The following MBD5 variants were observed in gnomAD, a reference collection of about 807,000 sequenced individuals.
MBD5 encodes methyl-CpG binding domain protein 5, also known as methyl-CpG-binding domain protein 5.
In MBD5, 13 loss-of-function variants were observed where a neutral mutation model predicts 117.3. That is an observed-to-expected ratio of 0.11 (90% CI 0.07 to 0.18). The LOEUF (loss-of-function observed/expected upper bound fraction) is 0.18, where lower values mean the gene tolerates loss of function less well. MBD5 is among the 10% of genes least tolerant of loss of function. The probability of loss-of-function intolerance (pLI) is 1.00; values close to 1 mark genes in which losing one functional copy is unlikely to be tolerated. For missense variants in MBD5, 1,879 were observed against 2,093.8 expected (o/e 0.90, Z 2.00); for synonymous variants, 727 against 766.4 (o/e 0.95, Z 0.85).
intron 4 of MBD5, among the ~76,000 whole-genome samples, chr2:148,448,580 G>A (rs1706635563): frequency 6.6e-6 from 1 of 151,354 alleles, no homozygotes; most frequent in Non-Finnish European, 1.5e-5. Flanking sequence ...CCTCTGTTTG[G>A]TATTGATTAA....
chr2:148,399,189 G>A (rs1704834846), intron 4 of MBD5, among the ~76,000 whole-genome samples: 1 of 152,202 alleles, frequency 6.6e-6, no homozygotes, highest in Admixed American at 6.5e-5. Context: ...ATTCCATGAA[G>A]AAAGTCATTG....
chr2:148,487,003 A>C (rs1681359540), intron 10 of MBD5, among the ~76,000 whole-genome samples: 1 of 152,244 alleles, frequency 6.6e-6, no homozygotes, highest in Non-Finnish European at 1.5e-5. Flanking sequence ...TGTTCAGTGC[A>C]ATATAATTTG....
chr2:148,348,714 C>T (rs1314248718), intron 4 of MBD5, among the ~76,000 whole-genome samples: 4 of 151,900 alleles, frequency 2.6e-5, no homozygotes, highest in Non-Finnish European at 5.9e-5. Flanking sequence ...CTGGTGTAGA[C>T]ATTCCAACAT....
chr2:148,141,895 G>A (rs1263514551), intron 1 of MBD5, among the ~76,000 whole-genome samples: 1 of 152,064 alleles, frequency 6.6e-6, no homozygotes, highest in African/African-American at 2.4e-5. Flanking sequence ...AGGATCTCTT[G>A]AGCCTAGGAA....
At position 148,151,259 on chromosome 2, in the gene MBD5, T is replaced by C. The variant is rs562953257; in HGVS notation, c.-924-27441T>C. 8.5e-5 allele frequency among the ~76,000 whole-genome samples: 13 copies of C among 152,156 alleles called. No homozygotes were observed. The East Asian group carries it at 2.3e-3, about 27-fold the overall frequency. On this transcript the variant is annotated intron_variant, in intron 1 of 13. Transcript: ENST00000642680. The stretch of plus-strand genomic sequence containing the variant: ...TGGATTACATTTATTGATTTGCATA[T>C]ATTGAACCAGCCTTGCATCCCAGGG...
At chr2:148,129,042 C>T (rs1040076998) in intron 1 of MBD5, among the ~76,000 whole-genome samples, 1 of 152,132 alleles carries the variant, frequency 6.6e-6, no homozygotes, top group Non-Finnish European at 1.5e-5. Context: ...AATTGCCTTT[C>T]GTCTTTTTTA....
intron 1 of MBD5, among the ~76,000 whole-genome samples, chr2:148,128,569 T>C (rs1166274158): frequency 6.6e-6 from 1 of 152,192 alleles, no homozygotes; most frequent in Non-Finnish European, 1.5e-5. Context: ...AAGCAATGCA[T>C]AAATCTTTAT....
In MBD5 at chr2:148,425,060, C is replaced by T. The variant is rs376510395; in HGVS notation, c.-556-33143C>T. 3.0e-4 allele frequency among the ~76,000 whole-genome samples: 45 copies of T among 152,008 alleles called. 3 individuals are homozygous for T. Among genetic ancestry groups the T allele is most frequent in the Admixed American group, 1.8e-3 (28 of 15,266 alleles). On this transcript the variant is annotated intron_variant, in intron 4 of 13. Coordinates refer to ENST00000642680, the MANE Select transcript of MBD5 (RefSeq NM_001378120.1). ...AGAGCAGAACTGAAAGACATAGAGA[C>T]GCGAAAAACCCTTCAAAAATCAATG...
chr2:148,444,554 T>C (rs1310398554), intron 4 of MBD5, among the ~76,000 whole-genome samples: 1 of 151,034 alleles, frequency 6.6e-6, no homozygotes, highest in African/African-American at 2.5e-5. Flanking sequence ...AGAAATGTTA[T>C]TAACAGACAG....
chr2:148,269,813 C>A (rs1168776047), intron 3 of MBD5, among the ~76,000 whole-genome samples: 1 of 151,376 alleles, frequency 6.6e-6, no homozygotes, highest in African/African-American at 2.4e-5. Flanking sequence ...TATTCTCATT[C>A]TGGGATTCCT....
chr2:148,327,065 G>A (rs1329439967), intron 3 of MBD5, among the ~76,000 whole-genome samples: 2 of 151,964 alleles, frequency 1.3e-5, no homozygotes, highest in Admixed American at 6.6e-5. Flanking sequence ...TTGCTTGTCT[G>A]TAAAGTATTT....
chr2:148,287,933 C>T (rs1574242493), intron 3 of MBD5, among the ~76,000 whole-genome samples: 1 of 152,096 alleles, frequency 6.6e-6, no homozygotes, highest in Non-Finnish European at 1.5e-5. Flanking sequence ...GGGGGACGCA[C>T]TCACTCTGTA....
chr2:148,223,589 C>T (rs913902237), intron 2 of MBD5, among the ~76,000 whole-genome samples: 5 of 151,962 alleles, frequency 3.3e-5, no homozygotes, highest in African/African-American at 7.2e-5. Context: ...GAATTTCTGT[C>T]GTATCATTTG....
chr2:148,130,325 T>G (rs1416901566), intron 1 of MBD5, among the ~76,000 whole-genome samples: 2 of 152,202 alleles, frequency 1.3e-5, no homozygotes, highest in African/African-American at 4.8e-5. Flanking sequence ...AGTATAGCAA[T>G]GACCCTGTAC....
At chr2:148,424,347 A>G (rs1249677474) in intron 4 of MBD5, among the ~76,000 whole-genome samples, 2 of 151,978 alleles carry the variant, frequency 1.3e-5, no homozygotes, top group East Asian at 1.9e-4. Flanking sequence ...TCCTAAATAT[A>G]TATGCACCCA....
chr2:148,215,451 T>G (rs936836025), intron 2 of MBD5, among the ~76,000 whole-genome samples: 33 of 152,218 alleles, frequency 2.2e-4, no homozygotes, highest in African/African-American at 7.7e-4. Flanking sequence ...TGATATATAA[T>G]TTATCCACAG....
At chr2:148,475,281 G>A (rs1241806428) in intron 8 of MBD5, among the ~76,000 whole-genome samples, 1 of 152,074 alleles carries the variant, frequency 6.6e-6, no homozygotes, top group Non-Finnish European at 1.5e-5. Flanking sequence ...ATTCTGGATT[G>A]TGTGATTAAA....
chr2:148,160,524 A>G (rs2105741250), intron 1 of MBD5, among the ~76,000 whole-genome samples: 1 of 152,312 alleles, frequency 6.6e-6, no homozygotes, highest in South Asian at 2.1e-4. Context: ...AAGAACAATC[A>G]TAGCTTTTGG....
intron 1 of MBD5, among the ~76,000 whole-genome samples, chr2:148,138,626 C>T (rs1037458950): frequency 2.0e-5 from 3 of 152,218 alleles, no homozygotes; most frequent in South Asian, 2.1e-4. Flanking sequence ...TTATACTAAC[C>T]TAAGCAAGAG....
Sources: allele counts gnomAD v4.1 joint callset (sites outside exome capture counted in the v4.1 genomes callset), GRCh38; gene constraint gnomAD v4.1.1; transcripts MANE v1.5; gene names NCBI Gene and HGNC (gene_info 2026-07-23, HGNC 2026-07-21).